Variants in FHL2 observed in about 807,000 individuals in gnomAD.
FHL2 encodes the protein four and a half LIM domains protein 2.
A neutral mutation model predicts 32.7 loss-of-function variants in FHL2; 20 were observed. The observed-to-expected ratio is 0.61, with a 90% CI of 0.43 to 0.89. The LOEUF is 0.89. Among genes scored for constraint, FHL2 ranks in the 40% least tolerant of loss-of-function variants. FHL2 has a pLI of 0.00. For missense variants in FHL2, 311 were observed against 358.6 expected, an observed-to-expected ratio of 0.87 and a Z score of 1.07; for synonymous variants, 123 against 128.1, an observed-to-expected ratio of 0.96 and a Z score of 0.27.
intron 4 of FHL2, among the ~76,000 whole-genome samples, chr2:105,371,423 C>T (rs549903589): frequency 1.5e-4 from 23 of 152,244 alleles, no homozygotes; most frequent in African/African-American, 4.8e-4. Context: ...TGCCGCCCTA[C>T]GGAATTCAAA....
chr2:105,412,878 G>T (rs911122324), intron 1 of FHL2, among the ~76,000 whole-genome samples: 3 of 152,200 alleles, frequency 2.0e-5, no homozygotes, highest in African/African-American at 7.2e-5. Flanking sequence ...GCATGATGGG[G>T]ACAGAAGCAC....
chr2:105,358,949 AG>A (rs2104471237), downstream of FHL2: 1 of 152,330 alleles, frequency 6.6e-6, no homozygotes, highest in South Asian at 2.1e-4. Flanking sequence ...TCCTCAGGCC[AG>A]TAAGACTGCA....
chr2:105,399,264 T>C (rs772907535), upstream of FHL2: 202 of 1,535,758 alleles, frequency 1.3e-4, no homozygotes, highest in Admixed American at 4.3e-4. Flanking sequence ...CTCCGGGTCT[T>C]GGGAGCACAG....
rs576648955 is a variant in FHL2, at chr2:105,404,359, C to T, written c.-24-17819G>A. ...AAGTGTCTAAGATCATAAATGCTGG[C>T]GGGAAGGGGTCAGGAGTGATCAAAC... is the stretch of plus-strand genomic sequence containing the variant. On this transcript the variant is annotated intron_variant, in intron 1 of 5. Transcript: ENST00000393352. Among the ~76,000 whole-genome samples the T allele has an allele frequency of 6.5e-4, 99 of 152,216 alleles. 1 individual carries two copies. Among genetic ancestry groups the T allele is most frequent in the African/African-American group, 2.2e-3 (92 of 41,552 alleles).
chr2:105,364,243 G>A (rs566628182), intron 5 of FHL2, among the ~76,000 whole-genome samples: 1 of 150,222 alleles, frequency 6.7e-6, no homozygotes, highest in East Asian at 1.9e-4. Context: ...ACAACAGAGT[G>A]AGACTGTCTC....
At chr2:105,405,399 G>A (rs546392809) in intron 1 of FHL2, among the ~76,000 whole-genome samples, 6 of 152,106 alleles carry the variant, frequency 3.9e-5, no homozygotes, top group African/African-American at 1.4e-4. Flanking sequence ...TGCCTCACTT[G>A]TTCCTCAGAA....
At chr2:105,360,410 T>G (rs1433361443), downstream of FHL2, 4 of 151,636 alleles carry the variant, frequency 2.6e-5, no homozygotes, top group African/African-American at 9.7e-5. Flanking sequence ...AGGCTGGAGT[T>G]CAGTGGTGCC....
intron 1 of FHL2, among the ~76,000 whole-genome samples, chr2:105,398,242 C>T (rs1431679515): frequency 6.6e-6 from 1 of 152,170 alleles, no homozygotes; most frequent in Non-Finnish European, 1.5e-5. Context: ...TATTTTCTTC[C>T]CTCTATTTCT....
At chr2:105,430,625 G>C (rs539870250) in intron 1 of FHL2, among the ~76,000 whole-genome samples, 31 of 152,148 alleles carry the variant, frequency 2.0e-4, no homozygotes, top group Non-Finnish European at 3.8e-4. Flanking sequence ...CTGAGATCGC[G>C]CCACTGCACT....
intron 1 of FHL2, among the ~76,000 whole-genome samples, chr2:105,417,734 T>C (rs1164525961): frequency 6.6e-6 from 1 of 150,686 alleles, no homozygotes; most frequent in African/African-American, 2.4e-5. Context: ...AGAGGATGTG[T>C]GTGTTTAAGG....
intron 4 of FHL2, among the ~76,000 whole-genome samples, chr2:105,370,690 T>C (rs1458549380): frequency 6.6e-6 from 1 of 152,180 alleles, no homozygotes; most frequent in Non-Finnish European, 1.5e-5. Context: ...GTTCTAACAC[T>C]TTTAAAAATC....
chr2:105,361,228 G>C lies in FHL2; in HGVS notation c.*55C>G. 6.4e-7 allele frequency: 1 copy of C among 1,563,762 alleles called. No individual in the cohort carries two copies. The highest frequency in any genetic ancestry group is 8.7e-7 in the Non-Finnish European group (1 of 1,148,702). On this transcript the variant is annotated 3_prime_UTR_variant, in exon 7 of 7. Coordinates refer to ENST00000530340, the MANE Select transcript of FHL2 (RefSeq NM_001318895.3). Reference sequence around the variant, plus strand: ...AAGGCAAGATTGCCTGGGTGAGAAAGAAAACATAAAAATCTGTGTGTGAGA... The same window carrying C: ...AAGGCAAGATTGCCTGGGTGAGAAACAAAACATAAAAATCTGTGTGTGAGA...
At chr2:105,367,460 G>T in intron 5 of FHL2, 110 bp downstream of exon 5, 1 of 1,132,940 alleles carries the variant, frequency 8.8e-7, no homozygotes, top group Non-Finnish European at 1.3e-6. Flanking sequence ...CAGCTCCCAC[G>T]CCACTTAAGT....
chr2:105,390,572 C>T (rs1469149404), intron 2 of FHL2, among the ~76,000 whole-genome samples: 1 of 152,162 alleles, frequency 6.6e-6, no homozygotes, highest in African/African-American at 2.4e-5. Flanking sequence ...CTCCAACCAA[C>T]AGGGCAGAGC....
intron 4 of FHL2, among the ~76,000 whole-genome samples, chr2:105,367,972 G>A (rs1246836176): frequency 1.3e-5 from 2 of 152,114 alleles, no homozygotes; most frequent in African/African-American, 2.4e-5. Context: ...GTACATTTTA[G>A]GCACTTAACA....
chr2:105,386,022 C>A (rs954109447), intron 3 of FHL2: 2 of 407,956 alleles, frequency 4.9e-6, no homozygotes, highest in Non-Finnish European at 8.6e-6. Context: ...CACCACGGGG[C>A]AAACAGACAA....
intron 3 of FHL2, among the ~76,000 whole-genome samples, chr2:105,383,395 T>C (rs917534332): frequency 6.6e-6 from 1 of 152,238 alleles, no homozygotes; most frequent in African/African-American, 2.4e-5. Flanking sequence ...CAATAATCTT[T>C]ACCCTTTGAG....
intron 1 of FHL2, among the ~76,000 whole-genome samples, chr2:105,420,977 C>A (rs1011162220): frequency 1.3e-5 from 2 of 152,126 alleles, no homozygotes; most frequent in African/African-American, 4.8e-5. Flanking sequence ...ACTAGTGGGA[C>A]AAGTTTTAGG....
chr2:105,388,031 C>G (rs1222610279), intron 2 of FHL2, among the ~76,000 whole-genome samples: 1 of 152,146 alleles, frequency 6.6e-6, no homozygotes, highest in East Asian at 1.9e-4. Context: ...TGCATGTTCT[C>G]ACTTGTAAGT....
Sources: gnomAD v4.1 joint callset for allele counts (sites outside exome capture counted in the v4.1 genomes callset) on GRCh38, gnomAD v4.1.1 for gene constraint, MANE v1.5 for transcripts, NCBI Gene and HGNC (gene_info 2026-07-23, HGNC 2026-07-21) for gene names.